The following DCDC1 variants were observed in gnomAD, a reference collection of about 807,000 sequenced individuals.
DCDC1 encodes the protein doublecortin domain-containing protein 1.
In DCDC1, 200 loss-of-function variants were observed where a neutral mutation model predicts 178.3. That is an observed-to-expected ratio of 1.12 (90% CI 1.00 to 1.26). The LOEUF (loss-of-function observed/expected upper bound fraction) is 1.26. Among genes scored for constraint, DCDC1 ranks in the 50% most tolerant of loss-of-function variants. The pLI is 0.00. For synonymous variants in DCDC1, 690 were observed against 604.8 expected (o/e 1.14, Z -2.07); for missense variants, 1,983 against 1,749.2 (o/e 1.13, Z -2.38).
intron 20 of DCDC1, among the ~76,000 whole-genome samples, chr11:31,028,347 T>C (rs986863509): frequency 6.6e-6 from 1 of 151,882 alleles, no homozygotes; most frequent in African/African-American, 2.4e-5. Context: ...AGATTATCAG[T>C]AATAGAACAA....
At chr11:30,939,085 A>C (rs141037141) in intron 21 of DCDC1, among the ~76,000 whole-genome samples, 37 of 151,984 alleles carry the variant, frequency 2.4e-4, no homozygotes, top group Non-Finnish European at 3.8e-4. Context: ...AGACACACAT[A>C]CTCGACCTCT....
At chr11:31,181,314 T>C (rs1367161275) in intron 9 of DCDC1, among the ~76,000 whole-genome samples, 1 of 152,210 alleles carries the variant, frequency 6.6e-6, no homozygotes, top group African/African-American at 2.4e-5. Flanking sequence ...CATTCCTGCC[T>C]ACCAGCTCTG....
At chr11:31,238,445 G>A (rs1432223172) in intron 9 of DCDC1, among the ~76,000 whole-genome samples, 1 of 152,100 alleles carries the variant, frequency 6.6e-6, no homozygotes, top group Non-Finnish European at 1.5e-5. Context: ...CTCCTTAGCT[G>A]TGTTAGGCCT....
intron 17 of DCDC1, among the ~76,000 whole-genome samples, chr11:31,085,410 T>C (rs1957413314): frequency 6.6e-6 from 1 of 152,118 alleles, no homozygotes; most frequent in South Asian, 2.1e-4. Flanking sequence ...TCATCCTATC[T>C]TCAGGCAACC....
intron 18 of DCDC1, among the ~76,000 whole-genome samples, chr11:31,075,153 C>A (rs1323579392): frequency 6.6e-6 from 1 of 152,094 alleles, no homozygotes; most frequent in African/African-American, 2.4e-5. Flanking sequence ...TGGGTTTTGT[C>A]TTTCTTTTTC....
intron 20 of DCDC1, among the ~76,000 whole-genome samples, chr11:31,006,987 A>C (rs1237314010): frequency 1.3e-5 from 2 of 152,190 alleles, no homozygotes; most frequent in Admixed American, 1.3e-4. Context: ...TTATTGTTAA[A>C]TATTTCTCCT....
chr11:31,086,017 GC>G (rs1377120635), intron 17 of DCDC1, among the ~76,000 whole-genome samples: 1 of 152,104 alleles, frequency 6.6e-6, no homozygotes, highest in Non-Finnish European at 1.5e-5. Flanking sequence ...ACAGGTGTGA[GC>G]CACTATGCCT....
At chr11:31,343,806 G>A (rs747891662) in intron 1 of DCDC1, among the ~76,000 whole-genome samples, 47 of 152,164 alleles carry the variant, frequency 3.1e-4, no homozygotes, top group Admixed American at 2.4e-3. Flanking sequence ...GGTAATCCCA[G>A]CTACTTGGGA....
In DCDC1 at chr11:31,113,207, T is replaced by C. The variant is rs1343848888; in HGVS notation, c.1486-2846A>G. Among the ~76,000 whole-genome samples the C allele has an allele frequency of 2.0e-5, 3 of 152,300 alleles. No homozygotes were observed. In the East Asian group the frequency reaches 5.8e-4, roughly 29 times the overall value. On this transcript the variant is annotated intron_variant, in intron 11 of 38. Transcript: ENST00000684477. ...AAATTCAGGAAAAGTCACAAAATAT[T>C]TTCATTAACTATCCAAAGCACATTT...
At chr11:31,322,856 T>A (rs1949441331) in intron 3 of DCDC1, among the ~76,000 whole-genome samples, 1 of 152,232 alleles carries the variant, frequency 6.6e-6, no homozygotes, top group Admixed American at 6.5e-5. Flanking sequence ...TGAATTTTGT[T>A]ACTTTCCACT....
intron 10 of DCDC1, among the ~76,000 whole-genome samples, chr11:31,133,235 C>T (rs972686546): frequency 5.9e-5 from 9 of 152,104 alleles, no homozygotes; most frequent in Non-Finnish European, 1.3e-4. Flanking sequence ...GGGCTTGAAT[C>T]CACCCATGTT....
At chr11:31,359,022 G>T (rs1047782674) in intron 1 of DCDC1, among the ~76,000 whole-genome samples, 1 of 152,212 alleles carries the variant, frequency 6.6e-6, no homozygotes, top group African/African-American at 2.4e-5. Flanking sequence ...GGGAGTCAGT[G>T]TGGCGATTCC....
chr11:31,242,875 G>T (rs75365026), intron 8 of DCDC1, among the ~76,000 whole-genome samples: 3,135 of 151,934 alleles, frequency 0.021, 99 homozygotes, highest in African/African-American at 0.07. Context: ...ATAATTTAAA[G>T]TCTGTCTAAT....
At chr11:30,890,180 G>A (rs1405433221) in intron 36 of DCDC1, among the ~76,000 whole-genome samples, 1 of 152,176 alleles carries the variant, frequency 6.6e-6, no homozygotes, top group Non-Finnish European at 1.5e-5. Context: ...AACTTCTGTT[G>A]TTTCTGCTGT....
chr11:30,934,302 A>G (rs1240577985), intron 21 of DCDC1, among the ~76,000 whole-genome samples: 1 of 152,190 alleles, frequency 6.6e-6, no homozygotes, highest in East Asian at 1.9e-4. Flanking sequence ...TTTGGTGGCC[A>G]TGTGTATTTT....
intron 2 of DCDC1, among the ~76,000 whole-genome samples, chr11:31,331,957 C>G (rs184676060): frequency 7.2e-5 from 11 of 152,100 alleles, no homozygotes; most frequent in African/African-American, 2.2e-4. Flanking sequence ...AGAAATGGTA[C>G]CAGCTCCTCC....
chr11:30,953,873 CT>C (rs1263133569), intron 20 of DCDC1, among the ~76,000 whole-genome samples: 7 of 151,886 alleles, frequency 4.6e-5, no homozygotes, highest in Non-Finnish European at 8.8e-5. Context: ...AATAGCAAAT[CT>C]CTTGCAAATA....
chr11:31,061,603 G>C (rs547667444), intron 20 of DCDC1, among the ~76,000 whole-genome samples: 58 of 152,008 alleles, frequency 3.8e-4, no homozygotes, highest in Non-Finnish European at 6.8e-4. Context: ...ATCACGTATG[G>C]AGCCTATCAC....
intron 7 of DCDC1, among the ~76,000 whole-genome samples, chr11:31,289,924 T>C (rs746732958): frequency 2.6e-5 from 4 of 152,026 alleles, no homozygotes; most frequent in Non-Finnish European, 5.9e-5. Context: ...CATACATTCT[T>C]AACACATTTG....
Sources: gnomAD v4.1 joint callset for allele counts (sites outside exome capture counted in the v4.1 genomes callset) on GRCh38, gnomAD v4.1.1 for gene constraint, MANE v1.5 for transcripts, NCBI Gene and HGNC (gene_info 2026-07-23, HGNC 2026-07-21) for gene names.